Variants in ZMAT4 observed in about 807,000 individuals in gnomAD.
ZMAT4 encodes zinc finger matrin-type 4, also known as zinc finger matrin-type protein 4.
ZMAT4 carries 17 observed loss-of-function variants against 28.7 expected under a neutral mutation model. That is an observed-to-expected ratio of 0.59 (90% confidence interval 0.41 to 0.89). ZMAT4 has a LOEUF of 0.89. ZMAT4 is among the 40% of genes least tolerant of loss of function. ZMAT4 has a pLI of 0.00. For synonymous variants in ZMAT4, 117 were observed against 109.2 expected (o/e 1.07, Z -0.44); for missense variants, 240 against 283.8 (o/e 0.85, Z 1.11).
rs1813690028 is a variant in ZMAT4, at chr8:40,778,317, A to G, written c.103-10587T>C. Among the ~76,000 whole-genome samples, 2 of 152,244 alleles carry G rather than the reference A, an allele frequency of 1.3e-5. 1 individual carries two copies. Among genetic ancestry groups the G allele is most frequent in the Admixed American group, 1.3e-4 (2 of 15,288 alleles). On this transcript the variant is annotated intron_variant, in intron 2 of 6. Transcript: ENST00000297737. ...AATACATAACATTTATAACCTGAAAAAAGTGATCAGCGAATTCTATAAAGA... is the reference window on the plus strand; with the variant it reads ...AATACATAACATTTATAACCTGAAAGAAGTGATCAGCGAATTCTATAAAGA...
intron 2 of ZMAT4, among the ~76,000 whole-genome samples, chr8:40,811,147 G>A (rs1011141909): frequency 1.3e-5 from 2 of 152,154 alleles, no homozygotes; most frequent in African/African-American, 4.8e-5. Context: ...TCTGTTCCAT[G>A]AAAGGGTTGA....
intron 1 of ZMAT4, among the ~76,000 whole-genome samples, chr8:40,876,396 A>G (rs995170610): frequency 2.6e-5 from 4 of 152,276 alleles, no homozygotes; most frequent in African/African-American, 9.6e-5. Context: ...TCATAGCTCC[A>G]TAGCCTCCTG....
At chr8:40,545,725 A>G (rs1309604121) in intron 6 of ZMAT4, among the ~76,000 whole-genome samples, 1 of 152,132 alleles carries the variant, frequency 6.6e-6, no homozygotes, top group Non-Finnish European at 1.5e-5. Context: ...ACAACCTTGC[A>G]TATGCCTTGA....
intron 5 of ZMAT4, among the ~76,000 whole-genome samples, chr8:40,641,432 T>G (rs1469057766): frequency 6.6e-6 from 1 of 152,248 alleles, no homozygotes; most frequent in African/African-American, 2.4e-5. Context: ...CAGATTTTTT[T>G]GCACACTTTA....
chr8:40,619,200 T>C (rs1178411277), intron 5 of ZMAT4, among the ~76,000 whole-genome samples: 2 of 152,112 alleles, frequency 1.3e-5, no homozygotes, highest in East Asian at 1.9e-4. Flanking sequence ...CAAAGAAACG[T>C]TGGTGGCCAC....
At chr8:40,803,358 G>A (rs1249578877) in intron 2 of ZMAT4, among the ~76,000 whole-genome samples, 1 of 152,018 alleles carries the variant, frequency 6.6e-6, no homozygotes, top group Non-Finnish European at 1.5e-5. Flanking sequence ...AAAGATAAAG[G>A]ACTGTTATCC....
intron 1 of ZMAT4, among the ~76,000 whole-genome samples, chr8:40,886,581 G>A (rs887215758): frequency 6.6e-6 from 1 of 152,158 alleles, no homozygotes; most frequent in Non-Finnish European, 1.5e-5. Context: ...GGCAGCCTTA[G>A]GTTCTATTTC....
At chr8:40,588,043 A>C (rs113851645) in intron 5 of ZMAT4, among the ~76,000 whole-genome samples, 3 of 152,072 alleles carry the variant, frequency 2.0e-5, no homozygotes, top group Non-Finnish European at 4.4e-5. Context: ...GAAATTCATC[A>C]GGAGAACCTA....
intron 5 of ZMAT4, among the ~76,000 whole-genome samples, chr8:40,601,627 AAAG>A (rs1805360601): frequency 1.4e-4 from 4 of 28,652 alleles, no homozygotes; most frequent in Admixed American, 2.7e-4. Flanking sequence ...AGAAAGAAAG[AAAG>A]AAAGAGAAAG....
At chr8:40,774,385 C>A (rs1279078976) in intron 2 of ZMAT4, among the ~76,000 whole-genome samples, 1 of 151,982 alleles carries the variant, frequency 6.6e-6, no homozygotes, top group Non-Finnish European at 1.5e-5. Context: ...GGTGAAGATG[C>A]AGAAAAAGCT....
intron 6 of ZMAT4, among the ~76,000 whole-genome samples, chr8:40,579,723 A>T (rs537168767): frequency 6.6e-6 from 1 of 152,326 alleles, no homozygotes; most frequent in East Asian, 1.9e-4. Context: ...ACTGTTACTC[A>T]TCTTTTGAAA....
rs1334146524 is a variant in ZMAT4, at chr8:40,801,349, A to ATATATATATAT, written c.102+24225_102+24226insATATATATATA. ...TCAGATGATACTTTCTTTAAAAAAAAAAATATATATATATATATATATACA... is the reference window on the plus strand; with the variant it reads ...TCAGATGATACTTTCTTTAAAAAAAATATATATATATAAATATATATATATATATATATACA... On this transcript the variant is annotated intron_variant, in intron 2 of 6. Coordinates refer to ENST00000297737, the MANE Select transcript of ZMAT4 (RefSeq NM_024645.3). Among the ~76,000 whole-genome samples, 443 of 48,690 alleles carry ATATATATATAT rather than the reference A, an allele frequency of 9.1e-3. 3 individuals carry two copies. Among genetic ancestry groups the ATATATATATAT allele is most frequent in the African/African-American group, 0.029 (389 of 13,300 alleles). The allele number at this position is 48,690 out of a possible 152,430, so 31.9% of individuals were successfully genotyped here.
chr8:40,538,629 T>G (rs1432331753), intron 6 of ZMAT4, among the ~76,000 whole-genome samples: 1 of 152,146 alleles, frequency 6.6e-6, no homozygotes, highest in Non-Finnish European at 1.5e-5. Context: ...CCTCTTCTAT[T>G]CACTTACAGA....
At chr8:40,665,061 C>T (rs148442692) in intron 5 of ZMAT4, among the ~76,000 whole-genome samples, 30 of 152,266 alleles carry the variant, frequency 2.0e-4, no homozygotes, top group African/African-American at 6.7e-4. Context: ...AAAGCCCTAG[C>T]CAGGCGTGGT....
chr8:40,751,511 T>C (rs1241726788), intron 3 of ZMAT4, among the ~76,000 whole-genome samples: 8 of 151,806 alleles, frequency 5.3e-5, no homozygotes, highest in Non-Finnish European at 8.8e-5. Context: ...GATAAACCAT[T>C]CTAAACCACC....
intron 2 of ZMAT4, among the ~76,000 whole-genome samples, chr8:40,782,722 T>G (rs7841919): frequency 6.6e-6 from 1 of 152,120 alleles, no homozygotes; most frequent in Non-Finnish European, 1.5e-5. Flanking sequence ...ATAGTCAAGG[T>G]GCGAGTTGTG....
intron 6 of ZMAT4, among the ~76,000 whole-genome samples, chr8:40,571,036 C>T (rs1485495923): frequency 6.6e-6 from 1 of 152,070 alleles, no homozygotes; most frequent in Non-Finnish European, 1.5e-5. Context: ...AAATCATCAG[C>T]TCGGAACCAT....
At chr8:40,724,510 C>A (rs1370728380) in intron 3 of ZMAT4, among the ~76,000 whole-genome samples, 1 of 152,198 alleles carries the variant, frequency 6.6e-6, no homozygotes, top group East Asian at 1.9e-4. Flanking sequence ...CTGACTCATA[C>A]TTACAGATAT....
intron 2 of ZMAT4, among the ~76,000 whole-genome samples, chr8:40,822,248 A>T (rs1815856922): frequency 6.6e-6 from 1 of 152,194 alleles, no homozygotes; most frequent in African/African-American, 2.4e-5. Context: ...TCTCAGGGAC[A>T]AGGATCATTT....
Sources: gnomAD v4.1 joint callset for allele counts (sites outside exome capture counted in the v4.1 genomes callset) on GRCh38, gnomAD v4.1.1 for gene constraint, MANE v1.5 for transcripts, NCBI Gene and HGNC (gene_info 2026-07-23, HGNC 2026-07-21) for gene names.